NPAS3: variants seen among roughly 807,000 people sequenced by gnomAD.
NPAS3 encodes the protein neuronal PAS domain-containing protein 3.
NPAS3 carries 14 observed loss-of-function variants against 73.1 expected under a neutral mutation model. The ratio of observed to expected loss-of-function variants is 0.19; its 90% CI spans 0.13 to 0.30. The LOEUF (loss-of-function observed/expected upper bound fraction) is 0.30, where lower values mean the gene tolerates loss of function less well. NPAS3 is among the 10% of genes least tolerant of loss of function. NPAS3 has a pLI of 1.00. For synonymous variants in NPAS3, 620 were observed against 541.5 expected, an observed-to-expected ratio of 1.14 and a Z score of -2.01; for missense variants, 1,096 against 1,250.0, an observed-to-expected ratio of 0.88 and a Z score of 1.86.
chr14:33,360,844 C>T (rs1387188914), intron 3 of NPAS3, among the ~76,000 whole-genome samples: 2 of 152,176 alleles, frequency 1.3e-5, no homozygotes, highest in African/African-American at 4.8e-5. Flanking sequence ...CCCTACTCTC[C>T]ACGCCTCGGC....
Position 33,793,860 on chromosome 14 carries a change from C to A in NPAS3, c.1154-37C>A, listed in dbSNP as rs753054768. On this transcript the variant is annotated intron_variant, in intron 9 of 11. Coordinates refer to ENST00000356141, the Ensembl canonical transcript of NPAS3. ...AAAAAAAAAGTTATTTGATCCCAGT[C>A]TTAATACAATGCCTCTGTTTTGTTT... 7.0e-6 allele frequency: 11 copies of A among 1,579,930 alleles called. No homozygotes were observed. In the East Asian group the frequency reaches 2.2e-4, roughly 32 times the overall value.
At chr14:32,945,016 A>G (rs1156538215) in intron 1 of NPAS3, among the ~76,000 whole-genome samples, 2 of 152,228 alleles carry the variant, frequency 1.3e-5, no homozygotes, top group Admixed American at 6.5e-5. Flanking sequence ...TGCCAGGTAC[A>G]GTACTAAATA....
intron 3 of NPAS3, among the ~76,000 whole-genome samples, chr14:33,220,012 T>TA (rs1287003253): frequency 6.6e-6 from 1 of 152,108 alleles, no homozygotes; most frequent in Admixed American, 6.5e-5. Flanking sequence ...TCCTCATTAC[T>TA]AAAAAACCAT....
intron 3 of NPAS3, among the ~76,000 whole-genome samples, chr14:33,284,229 A>G (rs1359871888): frequency 6.6e-6 from 1 of 152,122 alleles, no homozygotes; most frequent in African/African-American, 2.4e-5. Context: ...GTACTTCTCT[A>G]TCCCCTGGAT....
At chr14:33,285,027 C>T (rs777047864) in intron 3 of NPAS3, among the ~76,000 whole-genome samples, 1 of 152,178 alleles carries the variant, frequency 6.6e-6, no homozygotes, top group African/African-American at 2.4e-5. Context: ...CTAAGTGGCT[C>T]TCATGCACAT....
intron 5 of NPAS3, among the ~76,000 whole-genome samples, chr14:33,593,148 C>T (rs953726215): frequency 1.3e-5 from 2 of 152,074 alleles, no homozygotes; most frequent in African/African-American, 4.8e-5. Context: ...GAAGTGTTTT[C>T]TCTGTATCAG....
In NPAS3 at chr14:33,468,305, G is replaced by C. The variant is rs2050624304; in HGVS notation, c.469-91816G>C. Among the ~76,000 whole-genome samples, 2 of 152,200 alleles carry C rather than the reference G, an allele frequency of 1.3e-5. 1 individual carries two copies. The highest frequency in any genetic ancestry group is 6.3e-3 in the Middle Eastern group (2 of 316). On this transcript the variant is annotated intron_variant, in intron 4 of 11. Coordinates refer to ENST00000356141, the Ensembl canonical transcript of NPAS3. ...AAAAGCTGAATTAATAAATACATGA[G>C]TATGTAAACTTATAACTGCATAACG...
chr14:33,322,062 A>T (rs186042930), intron 3 of NPAS3, among the ~76,000 whole-genome samples: 2 of 152,274 alleles, frequency 1.3e-5, no homozygotes, highest in Admixed American at 6.5e-5. Flanking sequence ...GAGCAGTAGA[A>T]ATATAAGCCC....
Position 33,141,910 on chromosome 14 carries a change from G to A in NPAS3, c.141-73272G>A, listed in dbSNP as rs74874264. On this transcript the variant is annotated intron_variant, in intron 2 of 11. Transcript: ENST00000356141. ...CAGTGTGTGAGGATGACATCATTTC[G>A]CCACACCTTTGTCAACACCAGTGGA... 3.4e-3 allele frequency among the ~76,000 whole-genome samples: 515 copies of A among 152,166 alleles called. 1 individual carries two copies. The highest frequency in any genetic ancestry group is 0.012 in the African/African-American group (499 of 41,534).
chr14:33,311,056 G>T (rs2042982882), intron 3 of NPAS3, among the ~76,000 whole-genome samples: 1 of 152,108 alleles, frequency 6.6e-6, no homozygotes, highest in Non-Finnish European at 1.5e-5. Flanking sequence ...AACTGACCTA[G>T]GATCTCTTGA....
At chr14:33,055,808 G>T (rs2040867012) in intron 1 of NPAS3, 97 bp from the exon 2 acceptor site, 11 of 556,282 alleles carry the variant, frequency 2.0e-5, no homozygotes, top group Non-Finnish European at 2.9e-5. Flanking sequence ...AGCGTAAAAA[G>T]CAAAATATAT....
rs115103206 is a variant in NPAS3, at chr14:33,536,792, T to C, written c.469-23329T>C. Among the ~76,000 whole-genome samples, 1,371 of 152,322 alleles carry C rather than the reference T, an allele frequency of 9.0e-3. 20 individuals are homozygous for C. The highest frequency in any genetic ancestry group is 0.031 in the African/African-American group (1,286 of 41,584). The stretch of plus-strand genomic sequence containing the variant: ...AGATGTAGCCAAGTTTTTCTATGTT[T>C]ACCAATAAAATTATATAACGGATTA... On this transcript the variant is annotated intron_variant, in intron 4 of 11. Coordinates refer to ENST00000356141, the Ensembl canonical transcript of NPAS3.
intron 3 of NPAS3, among the ~76,000 whole-genome samples, chr14:33,225,646 A>G (rs2047602553): frequency 6.6e-6 from 1 of 152,212 alleles, no homozygotes. Context: ...AAATTATGAC[A>G]TGTCATGAAA....
At chr14:33,412,626 G>A (rs943841284) in intron 4 of NPAS3, among the ~76,000 whole-genome samples, 1 of 152,110 alleles carries the variant, frequency 6.6e-6, no homozygotes, top group African/African-American at 2.4e-5. Flanking sequence ...AAGGCTTAGT[G>A]TCTAAGGAAA....
chr14:33,647,738 A>G (rs1394732777), intron 5 of NPAS3, among the ~76,000 whole-genome samples: 1 of 152,066 alleles, frequency 6.6e-6, no homozygotes, highest in Non-Finnish European at 1.5e-5. Flanking sequence ...CTGAATCACA[A>G]AATCTCCCAC....
intron 2 of NPAS3, among the ~76,000 whole-genome samples, chr14:33,086,234 C>T (rs561085499): frequency 3.9e-5 from 6 of 152,148 alleles, no homozygotes; most frequent in African/African-American, 1.2e-4. Flanking sequence ...TTTTTGCTTA[C>T]GTGGATAATA....
At chr14:33,178,015 G>A (rs1212646480) in intron 2 of NPAS3, among the ~76,000 whole-genome samples, 2 of 151,234 alleles carry the variant, frequency 1.3e-5, no homozygotes, top group Non-Finnish European at 2.9e-5. Flanking sequence ...TTGAGTATCA[G>A]CTTTTTCATT....
At position 33,335,031 on chromosome 14, in the gene NPAS3, T is replaced by TGTGTGTGTGC. The variant is rs1555375953; in HGVS notation, c.386-32146_386-32145insCGTGTGTGTG. On this transcript the variant is annotated intron_variant, in intron 3 of 11. Transcript: ENST00000356141. ...TTGCTATGGCTTAGTGGTATTCCAT[T>TGTGTGTGTGC]GTGTGTGTGTGCGTGTGTGTGTGTG... Among the ~76,000 whole-genome samples, 243 of 103,774 alleles carry TGTGTGTGTGC rather than the reference T, an allele frequency of 2.3e-3. 2 individuals carry two copies. The highest frequency in any genetic ancestry group is 0.021 in the East Asian group (72 of 3,376). 68.1% of individuals were successfully genotyped at this position (103,774 alleles called of 152,430 possible).
chr14:33,726,164 T>G (rs888962608), intron 6 of NPAS3, among the ~76,000 whole-genome samples: 3 of 152,192 alleles, frequency 2.0e-5, no homozygotes, highest in African/African-American at 2.4e-5. Flanking sequence ...AAGAGAAATG[T>G]ATCATTTATT....
Sources: allele counts gnomAD v4.1 joint callset (sites outside exome capture counted in the v4.1 genomes callset), GRCh38; gene constraint gnomAD v4.1.1; transcripts MANE v1.5; gene names NCBI Gene and HGNC (gene_info 2026-07-23, HGNC 2026-07-21).